Variants in ARRDC5 observed in about 807,000 individuals in gnomAD.
ARRDC5 encodes the protein arrestin domain-containing protein 5.
A neutral mutation model predicts 13.3 loss-of-function variants in ARRDC5; 12 were observed. That is an observed-to-expected ratio of 0.90 (90% CI 0.58 to 1.46). The LOEUF (loss-of-function observed/expected upper bound fraction) is 1.46. Ranked by LOEUF, ARRDC5 falls within the 40% of genes most tolerant of loss-of-function variation. ARRDC5 has a pLI of 0.00. For missense variants in ARRDC5, 406 were observed against 418.7 expected (o/e 0.97, Z 0.26); for synonymous variants, 181 against 173.4 (o/e 1.04, Z -0.34).
In ARRDC5 at chr19:4,891,113, A is replaced by G. The variant is rs2031484534; in HGVS notation, c.920T>C (p.Val307Ala). The part of the protein sequence containing the change: ...KVPIIITSAS[V>A]DSAICQLSED... Reference sequence around the variant, plus strand: ...TGACAGCTGGCAGATGGCAGAGTCCACTGAGGCGCTGGTGATGATGATGGG... The same window carrying G: ...TGACAGCTGGCAGATGGCAGAGTCCGCTGAGGCGCTGGTGATGATGATGGG... Residue 307 changes from valine to alanine, a missense_variant, in exon 3 of 3, where the codon GTG becomes GCG. Physicochemically the swap from Val to Ala is moderately conservative, Grantham distance 64 (BLOSUM62 0). Transcript: ENST00000650722. The G allele has an allele frequency of 1.9e-6, 3 of 1,613,950 alleles. No individual in the cohort carries two copies. Among genetic ancestry groups the G allele is most frequent in the Non-Finnish European group, 2.5e-6 (3 of 1,179,866 alleles).
chr19:4,914,045 C>T, the ARRDC5 span, among the ~76,000 whole-genome samples: 3 of 151,920 alleles, frequency 2.0e-5, no homozygotes, highest in Non-Finnish European at 2.9e-5. Flanking sequence ...GAACTCCCGA[C>T]CTCAGGTGAT....
chr19:4,896,413 T>C (rs570644828), intron 2 of ARRDC5, among the ~76,000 whole-genome samples: 2 of 135,312 alleles, frequency 1.5e-5, no homozygotes, highest in Non-Finnish European at 3.1e-5. Flanking sequence ...CACATATATA[T>C]AATTTTATTT....
At chr19:4,900,559 AGC>A (rs2031883095) in intron 1 of ARRDC5, among the ~76,000 whole-genome samples, 1 of 152,168 alleles carries the variant, frequency 6.6e-6, no homozygotes, top group South Asian at 2.1e-4. Context: ...GTTAACTGAG[AGC>A]CAGAGAGGTC....
chr19:4,906,693 C>T (rs1269739778), upstream of ARRDC5, among the ~76,000 whole-genome samples: 8 of 152,028 alleles, frequency 5.3e-5, no homozygotes, highest in East Asian at 3.9e-4. Context: ...GTGGAGGTTG[C>T]GGAGAGCCAA....
chr19:4,904,362 G>A (rs568930897), upstream of ARRDC5, among the ~76,000 whole-genome samples: 1 of 152,218 alleles, frequency 6.6e-6, no homozygotes, highest in East Asian at 1.9e-4. Flanking sequence ...TGTATTTTTA[G>A]TAGAGACGGG....
At chr19:4,914,034 C>T in the ARRDC5 span, among the ~76,000 whole-genome samples, 3 of 151,874 alleles carry the variant, frequency 2.0e-5, no homozygotes, top group Non-Finnish European at 4.4e-5. Context: ...AGGCTGGTCT[C>T]GAACTCCCGA....
intron 1 of ARRDC5, among the ~76,000 whole-genome samples, chr19:4,899,764 CAAAAAA>C (rs1217500792): frequency 5.9e-5 from 4 of 67,984 alleles, no homozygotes; most frequent in East Asian, 5.6e-4. Flanking sequence ...CCCGTCTCTA[CAAAAAA>C]AAAAAAAAAA....
At chr19:4,912,917 G>A in the ARRDC5 span, among the ~76,000 whole-genome samples, 1 of 152,064 alleles carries the variant, frequency 6.6e-6, no homozygotes, top group Admixed American at 6.6e-5. Context: ...GCACCACCAT[G>A]CCTGGCTAGT....
intron 2 of ARRDC5, among the ~76,000 whole-genome samples, chr19:4,894,439 A>C (rs1167427595): frequency 1.5e-5 from 2 of 134,592 alleles, no homozygotes; most frequent in East Asian, 4.5e-4. Flanking sequence ...TGAACCCGGG[A>C]GGTGGAGCTT....
At chr19:4,903,680 T>C (rs2031996202), upstream of ARRDC5, 1 of 151,928 alleles carries the variant, frequency 6.6e-6, no homozygotes, top group South Asian at 2.1e-4. Context: ...TTTTTGTATT[T>C]TTAGTAGAGA....
chr19:4,916,630 C>T, the ARRDC5 span, among the ~76,000 whole-genome samples: 1 of 151,954 alleles, frequency 6.6e-6, no homozygotes, highest in Non-Finnish European at 1.5e-5. Context: ...GCCCTCGCGG[C>T]GCCGTCCACG....
the ARRDC5 span, chr19:4,909,478 C>T: frequency 1.5e-6 from 1 of 652,444 alleles, no homozygotes; most frequent in Admixed American, 2.3e-5. Flanking sequence ...TCCCAAATGC[C>T]GAGTTTTCGC....
At chr19:4,905,415 G>A (rs1193904567), upstream of ARRDC5, among the ~76,000 whole-genome samples, 4 of 151,172 alleles carry the variant, frequency 2.6e-5, no homozygotes, top group Admixed American at 2.0e-4. Flanking sequence ...CACCACACCC[G>A]GCCACAAATT....
At chr19:4,916,143 A>G in the ARRDC5 span, among the ~76,000 whole-genome samples, 1 of 152,078 alleles carries the variant, frequency 6.6e-6, no homozygotes, top group African/African-American at 2.4e-5. Flanking sequence ...CCCCGTCTCT[A>G]CAAAAAATGA....
chr19:4,906,007 CCTT>C (rs974760317), upstream of ARRDC5, among the ~76,000 whole-genome samples: 1 of 152,098 alleles, frequency 6.6e-6, no homozygotes, highest in Admixed American at 6.6e-5. Context: ...GACAGAGTCT[CCTT>C]CTGTCACCCA....
upstream of ARRDC5, chr19:4,902,913 T>C: frequency 6.3e-7 from 1 of 1,590,064 alleles, no homozygotes; most frequent in Non-Finnish European, 8.6e-7. Flanking sequence ...GTAATCCATC[T>C]ATGACATCAC....
chr19:4,899,803 G>A (rs2031855959), intron 1 of ARRDC5, among the ~76,000 whole-genome samples: 1 of 148,392 alleles, frequency 6.7e-6, no homozygotes, highest in Non-Finnish European at 1.5e-5. Context: ...GCCAGGCGTG[G>A]TGGCGGGCAC....
intron 2 of ARRDC5, among the ~76,000 whole-genome samples, chr19:4,893,750 C>A (rs1158215252): frequency 8.0e-4 from 91 of 113,924 alleles, no homozygotes; most frequent in Admixed American, 1.9e-3. Flanking sequence ...AAAAAAAAAA[C>A]CAAAAAGGAA....
the ARRDC5 span, chr19:4,910,749 G>T: frequency 8.3e-7 from 1 of 1,198,080 alleles, no homozygotes; most frequent in East Asian, 2.5e-5. Context: ...CAGGAGGACT[G>T]GAAGGGCATC....
Sources: gnomAD v4.1 joint callset for allele counts (sites outside exome capture counted in the v4.1 genomes callset) on GRCh38, gnomAD v4.1.1 for gene constraint, MANE v1.5 for transcripts, NCBI Gene and HGNC (gene_info 2026-07-23, HGNC 2026-07-21) for gene names.